The following PRDM16 variants were observed in gnomAD, a reference collection of about 807,000 sequenced individuals.
The protein encoded by PRDM16 is histone-lysine N-methyltransferase PRDM16.
PRDM16 carries 23 observed loss-of-function variants against 110.6 expected under a neutral mutation model. That is an observed-to-expected ratio of 0.21 (90% CI 0.15 to 0.29). PRDM16 has a LOEUF of 0.29. PRDM16 is among the 10% of genes least tolerant of loss of function. PRDM16 has a pLI of 1.00. For missense variants in PRDM16, 1,615 were observed against 1,794.3 expected (o/e 0.90, Z 1.81); for synonymous variants, 799 against 781.8 (o/e 1.02, Z -0.37).
chr1:3,114,526 GCACACATGCACACATGAACACACA>G (rs1642906314), intron 1 of PRDM16, among the ~76,000 whole-genome samples: 1 of 150,678 alleles, frequency 6.6e-6, no homozygotes, highest in African/African-American at 2.5e-5. Context: ...ATGAACACAC[GCACACATGCACACATGAACACACA>G]CACGTGCACA....
intron 2 of PRDM16, among the ~76,000 whole-genome samples, chr1:3,223,799 G>C (rs910245087): frequency 6.6e-6 from 1 of 152,104 alleles, no homozygotes; most frequent in Non-Finnish European, 1.5e-5. Flanking sequence ...AGCGAGAACC[G>C]GGAATAACCA....
chr1:3,394,195 TG>T (rs1226447909), intron 4 of PRDM16, among the ~76,000 whole-genome samples: 2 of 145,146 alleles, frequency 1.4e-5, no homozygotes, highest in Non-Finnish European at 3.1e-5. Flanking sequence ...GGAGCTGCGG[TG>T]GGGGGCATCC....
intron 15 of PRDM16, among the ~76,000 whole-genome samples, 154 bp downstream of exon 15, chr1:3,431,262 C>G (rs1638760404): frequency 6.6e-6 from 1 of 152,212 alleles, no homozygotes; most frequent in Non-Finnish European, 1.5e-5. Context: ...CAGGCCAGGG[C>G]AAGGCTGGGC....
chr1:3,424,280 G>A (rs1391795763), intron 12 of PRDM16, among the ~76,000 whole-genome samples: 3 of 152,184 alleles, frequency 2.0e-5, no homozygotes, highest in Non-Finnish European at 1.5e-5. Context: ...TCTCAGCCCC[G>A]CTCTCTAAAA....
chr1:3,404,716 A>G (rs1643530423), intron 6 of PRDM16, 23 bp from the exon 7 acceptor site: 1 of 1,611,782 alleles, frequency 6.2e-7, no homozygotes, highest in Non-Finnish European at 8.5e-7. Flanking sequence ...CGGGCCCCGC[A>G]GTGAGCCTCG....
At chr1:3,114,506 GCACACACACATGAACA>G (rs2100648885) in intron 1 of PRDM16, among the ~76,000 whole-genome samples, 1 of 149,870 alleles carries the variant, frequency 6.7e-6, no homozygotes, top group East Asian at 2.0e-4. Context: ...ACACGCGCAT[GCACACACACATGAACA>G]CACGCACACA....
intron 2 of PRDM16, among the ~76,000 whole-genome samples, chr1:3,219,787 G>A (rs145429325): frequency 0.014 from 2,080 of 152,200 alleles, 20 homozygotes; most frequent in Middle Eastern, 0.054. Flanking sequence ...CTGCTTCACC[G>A]ACTTCGGGAG....
chr1:3,437,393 G>A lies in PRDM16; in HGVS notation c.*3582G>A, dbSNP rs753773880. 4.3e-6 allele frequency: 1 copy of A among 232,108 alleles called. No homozygotes were observed. The highest frequency in any genetic ancestry group is 8.5e-6 in the Non-Finnish European group (1 of 117,276). 14.4% of individuals were successfully genotyped at this position (232,108 alleles called of 1,614,324 possible). A position where few individuals can be genotyped will look rare whatever the true frequency, so the allele number is the denominator to read the frequency against. On this transcript the variant is annotated 3_prime_UTR_variant, in exon 17 of 17. Transcript: ENST00000270722. ...TTTAGACTCGAAGCCTCAAAGCACTGGATTGTGGTCCCCTGCCCCCTCTGT... is the reference window on the plus strand; with the variant it reads ...TTTAGACTCGAAGCCTCAAAGCACTAGATTGTGGTCCCCTGCCCCCTCTGT...
intron 14 of PRDM16, among the ~76,000 whole-genome samples, chr1:3,427,930 C>T (rs1011643781): frequency 3.3e-5 from 5 of 152,178 alleles, no homozygotes; most frequent in Non-Finnish European, 7.3e-5. Flanking sequence ...TGTTCGTGTT[C>T]CCTGCAGCTG....
intron 3 of PRDM16, among the ~76,000 whole-genome samples, chr1:3,251,009 CTTCTA>C (rs1170508550): frequency 6.6e-6 from 1 of 152,204 alleles, no homozygotes; most frequent in East Asian, 1.9e-4. Flanking sequence ...TCAGAAATGA[CTTCTA>C]TTGTGCTGAG....
intron 1 of PRDM16, among the ~76,000 whole-genome samples, chr1:3,082,434 C>T (rs10909873): frequency 6.6e-6 from 1 of 152,034 alleles, no homozygotes; most frequent in Admixed American, 6.5e-5. Context: ...GTAGGAAACC[C>T]AGGGTGAGGG....
At chr1:3,221,218 C>G (rs1639143618) in intron 2 of PRDM16, among the ~76,000 whole-genome samples, 1 of 152,222 alleles carries the variant, frequency 6.6e-6, no homozygotes, top group Admixed American at 6.5e-5. Flanking sequence ...CTCTGCCTCA[C>G]TCCGCTCTTC....
At chr1:3,166,575 CA>C (rs1643959292) in intron 1 of PRDM16, among the ~76,000 whole-genome samples, 1 of 152,216 alleles carries the variant, frequency 6.6e-6, no homozygotes, top group Non-Finnish European at 1.5e-5. Flanking sequence ...AGAAAGTGCT[CA>C]CGAAGGGGAC....
Position 3,405,707 on chromosome 1 carries a change from G to A in PRDM16, c.1186+59G>A, listed in dbSNP as rs555638718. ...CGGGTGCGCGGATGCCGTGGCGGTCGGGCCGAGGTGGGCCATCCCCCAAGG... is the reference window on the plus strand; with the variant it reads ...CGGGTGCGCGGATGCCGTGGCGGTCAGGCCGAGGTGGGCCATCCCCCAAGG... On this transcript the variant is annotated intron_variant, in intron 8 of 16. Transcript: ENST00000270722. 2.3e-5 allele frequency: 33 copies of A among 1,465,510 alleles called. No individual in the cohort carries two copies. The East Asian group carries it at 2.8e-4, about 13-fold the overall frequency. The allele number at this position is 1,465,510 out of a possible 1,614,324, so 90.8% of individuals were successfully genotyped here.
At position 3,435,779 on chromosome 1, in the gene PRDM16, C is replaced by T. The variant is rs116197740; in HGVS notation, c.*1968C>T. On this transcript the variant is annotated 3_prime_UTR_variant, in exon 17 of 17. Transcript: ENST00000270722. ...AAAAGACAATCGTCTCTGTGGGTGC[C>T]GGGTGGTCCAGGCTTGCACTGAAGA... The T allele has an allele frequency of 7.1e-4, 164 of 232,344 alleles. No homozygotes were observed. Among genetic ancestry groups the T allele is most frequent in the Non-Finnish European group, 1.2e-3 (144 of 117,470 alleles). 14.4% of individuals were successfully genotyped at this position (232,344 alleles called of 1,614,324 possible). A position where few individuals can be genotyped will look rare whatever the true frequency, so the allele number is the denominator to read the frequency against.
rs1165923625 is a variant in PRDM16, at chr1:3,186,340, G to C, written c.253G>C (p.Glu85Gln). 6 of 1,612,198 alleles carry C rather than the reference G, an allele frequency of 3.7e-6. No individual in the cohort carries two copies. Among genetic ancestry groups the C allele is most frequent in the Non-Finnish European group, 5.1e-6 (6 of 1,179,772 alleles). The change falls in exon 2 of 17, where the codon GAG (glutamate) becomes CAG (glutamine). Residue 85 changes from glutamate (E) to glutamine (Q), a missense_variant. This residue lies in a region of PRDM16 where 416 missense variants were observed against 467.1 expected (regional missense o/e 0.89). Transcript: ENST00000270722. Reference protein sequence around the residue: ...PEDIPIPADFELRESSIPGAG... With the variant: ...PEDIPIPADFQLRESSIPGAG... Reference sequence around the variant, plus strand: ...AGACATTCCGATCCCAGCAGACTTCGAGCTCCGAGAGTCCTCCATCCCAGG... The same window carrying C: ...AGACATTCCGATCCCAGCAGACTTCCAGCTCCGAGAGTCCTCCATCCCAGG...
chr1:3,220,143 C>T (rs1557537957), intron 2 of PRDM16, among the ~76,000 whole-genome samples: 1 of 152,204 alleles, frequency 6.6e-6, no homozygotes, highest in African/African-American at 2.4e-5. Context: ...TGCCCACACG[C>T]GCCGGGAGGA....
intron 8 of PRDM16, among the ~76,000 whole-genome samples, chr1:3,409,343 A>G (rs1643629326): frequency 6.6e-6 from 1 of 152,014 alleles, no homozygotes; most frequent in Admixed American, 6.5e-5. Context: ...CTCCCTCTGG[A>G]GGGTCACCTG....
intron 1 of PRDM16, among the ~76,000 whole-genome samples, chr1:3,135,976 C>T (rs1467091939): frequency 6.6e-6 from 1 of 152,058 alleles, no homozygotes; most frequent in African/African-American, 2.4e-5. Flanking sequence ...GGGCGTCTCC[C>T]TTTGTTTTTC....
Sources: gnomAD v4.1 joint callset for allele counts (sites outside exome capture counted in the v4.1 genomes callset) on GRCh38, gnomAD v4.1.1 for gene constraint, gnomAD v4.1.1 regional missense constraint, MANE v1.5 for transcripts, NCBI Gene and HGNC (gene_info 2026-07-23, HGNC 2026-07-21) for gene names.